GSG1L: variants seen among roughly 807,000 people sequenced by gnomAD.
GSG1L encodes germ cell-specific gene 1-like protein.
GSG1L carries 24 observed loss-of-function variants against 42.1 expected under a neutral mutation model. The ratio of observed to expected loss-of-function variants is 0.57; its 90% CI spans 0.41 to 0.80. GSG1L has a LOEUF of 0.80. Among genes scored for constraint, GSG1L ranks in the 30% least tolerant of loss-of-function variants. The probability of loss-of-function intolerance (pLI) is 0.00; values close to 1 mark genes in which losing one functional copy is unlikely to be tolerated. For synonymous variants in GSG1L, 215 were observed against 203.5 expected (o/e 1.06, Z -0.48); for missense variants, 445 against 472.2 (o/e 0.94, Z 0.53).
chr16:27,929,652 T>C (rs2084634254), intron 2 of GSG1L, among the ~76,000 whole-genome samples: 2 of 152,214 alleles, frequency 1.3e-5, no homozygotes, highest in African/African-American at 4.8e-5. Flanking sequence ...CTTGAGCCCA[T>C]AAATTCCCTT....
chr16:28,000,823 C>T (rs552173852), intron 1 of GSG1L, among the ~76,000 whole-genome samples: 3 of 152,226 alleles, frequency 2.0e-5, no homozygotes, highest in Admixed American at 1.3e-4. Flanking sequence ...GCCCTTTGAC[C>T]TTGTAGTTTA....
At chr16:28,003,659 CA>C in intron 1 of GSG1L, among the ~76,000 whole-genome samples, 1 of 152,304 alleles carries the variant, frequency 6.6e-6, no homozygotes, top group South Asian at 2.1e-4. Flanking sequence ...CTGGGCCGGC[CA>C]GGTCTCTCCA....
At chr16:27,794,334 CT>C (rs111671722) in intron 6 of GSG1L, among the ~76,000 whole-genome samples, 303 of 142,190 alleles carry the variant, frequency 2.1e-3, no homozygotes, top group Admixed American at 2.9e-3. Flanking sequence ...TCAAAACTTT[CT>C]TTTTTTTTTT....
intron 6 of GSG1L, among the ~76,000 whole-genome samples, chr16:27,801,449 GCCTCCCCCGTT>G (rs2082880993): frequency 6.6e-6 from 1 of 152,132 alleles, no homozygotes; most frequent in African/African-American, 2.4e-5. Flanking sequence ...CTGACATCCC[GCCTCCCCCGTT>G]CCTCCTGCCG....
chr16:27,833,499 A>G (rs940784045), intron 4 of GSG1L, among the ~76,000 whole-genome samples: 2 of 152,038 alleles, frequency 1.3e-5, no homozygotes, highest in African/African-American at 4.8e-5. Context: ...TCCCATATAA[A>G]TTTTAGAATA....
intron 2 of GSG1L, among the ~76,000 whole-genome samples, chr16:27,919,328 C>T (rs1316742812): frequency 5.9e-5 from 9 of 152,204 alleles, no homozygotes; most frequent in African/African-American, 2.2e-4. Flanking sequence ...GCCATCATGG[C>T]TGCCCATGAT....
In GSG1L at chr16:27,789,686, T is replaced by C. The variant is rs1283658918; in HGVS notation, c.*1684A>G. The stretch of plus-strand genomic sequence containing the variant: ...GATGAAAGCATAGACAATGAATGGA[T>C]AGATGATGGATGGATGGATGGATGG... On this transcript the variant is annotated 3_prime_UTR_variant, in exon 7 of 7. Coordinates refer to ENST00000447459, the MANE Select transcript of GSG1L (RefSeq NM_001109763.2). 1.7e-5 allele frequency: 2 copies of C among 118,390 alleles called. No homozygotes were observed. Among genetic ancestry groups the C allele is most frequent in the Non-Finnish European group, 3.6e-5 (2 of 55,118 alleles). The allele number at this position is 118,390 out of a possible 1,614,324, so 7.3% of individuals were successfully genotyped here. A position where few individuals can be genotyped will look rare whatever the true frequency, so the allele number is the denominator to read the frequency against.
At chr16:27,792,513 TC>T (rs2082767128) in intron 6 of GSG1L, among the ~76,000 whole-genome samples, 1 of 152,102 alleles carries the variant, frequency 6.6e-6, no homozygotes, top group African/African-American at 2.4e-5. Context: ...CCAGAATCAT[TC>T]CCATCTCATG....
At chr16:28,016,040 G>A (rs572705085) in intron 1 of GSG1L, among the ~76,000 whole-genome samples, 8 of 152,198 alleles carry the variant, frequency 5.3e-5, no homozygotes, top group Non-Finnish European at 7.3e-5. Context: ...ACCCAGGCTG[G>A]AGTGTAGTGG....
At chr16:27,926,667 C>G (rs542707641) in intron 2 of GSG1L, among the ~76,000 whole-genome samples, 1 of 151,914 alleles carries the variant, frequency 6.6e-6, no homozygotes. Flanking sequence ...CCAGCCTGGG[C>G]GACAGAGCGA....
chr16:27,935,009 A>G (rs1289647912), intron 2 of GSG1L, among the ~76,000 whole-genome samples: 2 of 152,246 alleles, frequency 1.3e-5, no homozygotes, highest in East Asian at 3.8e-4. Context: ...GACAGAAAAC[A>G]TGTGAACGCA....
At chr16:27,877,216 G>A (rs1346825104) in intron 3 of GSG1L, among the ~76,000 whole-genome samples, 1 of 152,114 alleles carries the variant, frequency 6.6e-6, no homozygotes, top group Non-Finnish European at 1.5e-5. Flanking sequence ...GACATGGGCA[G>A]CCGGAGCCAT....
intron 3 of GSG1L, among the ~76,000 whole-genome samples, chr16:27,869,732 T>C (rs2083785365): frequency 2.1e-5 from 3 of 145,250 alleles, no homozygotes; most frequent in African/African-American, 2.7e-5. Flanking sequence ...TCTGTCTCTG[T>C]CTCCCTCCAT....
intron 2 of GSG1L, among the ~76,000 whole-genome samples, chr16:27,958,823 T>C (rs1034289421): frequency 2.0e-4 from 31 of 152,040 alleles, no homozygotes; most frequent in Non-Finnish European, 4.4e-4. Flanking sequence ...TACAGGTGCA[T>C]GCCACCATGC....
rs548709800 is a variant in GSG1L, at chr16:27,939,594, A to C, written c.397+23562T>G. Among the ~76,000 whole-genome samples, 6 of 152,262 alleles carry C rather than the reference A, an allele frequency of 3.9e-5. No individual in the cohort carries two copies. The East Asian group carries it at 1.2e-3, about 29-fold the overall frequency. On this transcript the variant is annotated intron_variant, in intron 2 of 6. Transcript: ENST00000447459. ...TCAGGCCACCAGAACAGGACTTCTG[A>C]GTTACAAGAGTCTGGGCTTTTAAGT...
At chr16:27,852,698 TC>T (rs998528639) in intron 3 of GSG1L, among the ~76,000 whole-genome samples, 5 of 152,088 alleles carry the variant, frequency 3.3e-5, no homozygotes, top group African/African-American at 9.7e-5. Flanking sequence ...TTTTAAGCCA[TC>T]CGAGGCAGTT....
At chr16:28,016,538 AT>A (rs2085782921) in intron 1 of GSG1L, among the ~76,000 whole-genome samples, 1 of 152,064 alleles carries the variant, frequency 6.6e-6, no homozygotes, top group African/African-American at 2.4e-5. Flanking sequence ...CCCCAACTCT[AT>A]TTTTCTCATA....
intron 3 of GSG1L, among the ~76,000 whole-genome samples, chr16:27,857,066 T>A (rs922344514): frequency 1.3e-5 from 2 of 152,234 alleles, no homozygotes; most frequent in East Asian, 3.9e-4. Context: ...TGGGGGCCCA[T>A]GTGGAAAGAC....
At chr16:27,927,367 G>T (rs1301874171) in intron 2 of GSG1L, among the ~76,000 whole-genome samples, 1 of 152,048 alleles carries the variant, frequency 6.6e-6, no homozygotes, top group Non-Finnish European at 1.5e-5. Flanking sequence ...TTGGCAGAAG[G>T]ATATTTTGGC....
Sources: allele counts gnomAD v4.1 joint callset (sites outside exome capture counted in the v4.1 genomes callset), GRCh38; gene constraint gnomAD v4.1.1; transcripts MANE v1.5; gene names NCBI Gene and HGNC (gene_info 2026-07-23, HGNC 2026-07-21).